Variants in GRIA4 observed in about 807,000 individuals in gnomAD.
GRIA4 encodes the protein glutamate receptor 4.
Under a neutral mutation model 104.0 loss-of-function variants are expected in GRIA4, and 34 were observed. The observed-to-expected ratio is 0.33, with a 90% confidence interval of 0.25 to 0.44. The LOEUF (loss-of-function observed/expected upper bound fraction) is 0.44. GRIA4 is among the 20% of genes least tolerant of loss of function. The pLI is 1.00. For missense variants in GRIA4, 750 were observed against 1,096.5 expected, an observed-to-expected ratio of 0.68 and a Z score of 4.46; for synonymous variants, 386 against 381.9, an observed-to-expected ratio of 1.01 and a Z score of -0.13.
intron 16 of GRIA4, among the ~76,000 whole-genome samples, chr11:105,978,262 A>G (rs553010228): frequency 3.7e-4 from 56 of 152,202 alleles, no homozygotes; most frequent in African/African-American, 1.3e-3. Flanking sequence ...GACTAATAGA[A>G]GATAATCAAG....
At chr11:105,616,160 CTAAT>C (rs1283777321) in intron 3 of GRIA4, among the ~76,000 whole-genome samples, 2 of 151,480 alleles carry the variant, frequency 1.3e-5, no homozygotes, top group Non-Finnish European at 3.0e-5. Flanking sequence ...ATAGAAAGGA[CTAAT>C]TGATTAATAT....
At chr11:105,791,693 A>AC (rs1421976285) in intron 4 of GRIA4, among the ~76,000 whole-genome samples, 12 of 151,760 alleles carry the variant, frequency 7.9e-5, no homozygotes, top group African/African-American at 2.7e-4. Flanking sequence ...AAAAGGAATG[A>AC]CCTAGCTCAA....
chr11:105,786,143 T>TAAA (rs1941954997), intron 4 of GRIA4, among the ~76,000 whole-genome samples: 1 of 17,606 alleles, frequency 5.7e-5, no homozygotes, highest in Non-Finnish European at 1.2e-4. Flanking sequence ...AGACCCTTTC[T>TAAA]CAAAAAAAAA....
chr11:105,870,654 T>C (rs1945582258), intron 5 of GRIA4, among the ~76,000 whole-genome samples: 1 of 151,388 alleles, frequency 6.6e-6, no homozygotes, highest in African/African-American at 2.4e-5. Context: ...GAGAACAGGG[T>C]AATAGGAGAG....
chr11:105,883,634 C>G (rs1347093469), intron 5 of GRIA4, among the ~76,000 whole-genome samples: 2 of 152,040 alleles, frequency 1.3e-5, no homozygotes, highest in Non-Finnish European at 2.9e-5. Context: ...GCATAGTATT[C>G]CATGGTGTAT....
At chr11:105,837,492 A>G (rs642919) in intron 4 of GRIA4, among the ~76,000 whole-genome samples, 67,679 of 151,848 alleles carry the variant, frequency 0.45, 15,793 homozygotes, top group African/African-American at 0.61. Flanking sequence ...TAAGTGTTCC[A>G]TGGTGCTGCA....
intron 3 of GRIA4, among the ~76,000 whole-genome samples, chr11:105,671,095 C>T (rs1020931363): frequency 1.3e-5 from 2 of 152,124 alleles, no homozygotes; most frequent in Non-Finnish European, 2.9e-5. Context: ...CTTGTGATTA[C>T]ATCAGACCCA....
chr11:105,812,220 T>C (rs1374516030), intron 4 of GRIA4, among the ~76,000 whole-genome samples: 1 of 152,230 alleles, frequency 6.6e-6, no homozygotes, highest in Non-Finnish European at 1.5e-5. Context: ...GATTGTCCAC[T>C]TGCTGGTGGA....
At chr11:105,853,149 A>C (rs993776435) in intron 4 of GRIA4, among the ~76,000 whole-genome samples, 8 of 152,182 alleles carry the variant, frequency 5.3e-5, no homozygotes, top group Non-Finnish European at 1.2e-4. Flanking sequence ...TTTGGACAGC[A>C]CTGGCTATCT....
chr11:105,863,549 A>G (rs541362734), intron 5 of GRIA4, among the ~76,000 whole-genome samples: 62 of 152,292 alleles, frequency 4.1e-4, no homozygotes, highest in African/African-American at 1.4e-3. Context: ...TTAGTTACAG[A>G]ATCCAAGAAA....
rs73542892 is a variant in GRIA4, at chr11:105,902,334, T to C, written c.886-1480T>C. ...AAGTTTACTTTCTTTTCTTTTCTTTTTTTTTTTTCTTTCTGAGACAGGGTC... is the reference window on the plus strand; with the variant it reads ...AAGTTTACTTTCTTTTCTTTTCTTTCTTTTTTTTCTTTCTGAGACAGGGTC... On this transcript the variant is annotated intron_variant, in intron 7 of 16. Coordinates refer to ENST00000282499, the MANE Select transcript of GRIA4 (RefSeq NM_000829.4). 3.3e-3 allele frequency among the ~76,000 whole-genome samples: 501 copies of C among 151,998 alleles called. 5 individuals are homozygous for C. The highest frequency in any genetic ancestry group is 0.012 in the African/African-American group (480 of 41,482).
intron 14 of GRIA4, among the ~76,000 whole-genome samples, chr11:105,962,522 G>A (rs996353108): frequency 2.6e-5 from 4 of 152,102 alleles, no homozygotes; most frequent in African/African-American, 7.2e-5. Context: ...GGAAATTCCA[G>A]GAATAAAAAC....
intron 3 of GRIA4, among the ~76,000 whole-genome samples, chr11:105,634,153 C>T (rs911218239): frequency 6.6e-6 from 1 of 151,826 alleles, no homozygotes; most frequent in Non-Finnish European, 1.5e-5. Flanking sequence ...TCAGGACAAG[C>T]CTGGGCAACA....
chr11:105,771,318 A>T (rs1229256994), intron 4 of GRIA4, among the ~76,000 whole-genome samples: 1 of 152,064 alleles, frequency 6.6e-6, no homozygotes, highest in Non-Finnish European at 1.5e-5. Context: ...TCCTATGATT[A>T]TGTTCAATAT....
intron 14 of GRIA4, 88 bp from the exon 15 acceptor site, chr11:105,971,826 T>G (rs1206036681): frequency 3.6e-6 from 3 of 826,862 alleles, no homozygotes; most frequent in Non-Finnish European, 5.9e-6. Context: ...CTCTGCTCTG[T>G]CACTTTGCCA....
At chr11:105,713,372 C>T (rs145576354) in intron 3 of GRIA4, among the ~76,000 whole-genome samples, 1 of 151,016 alleles carries the variant, frequency 6.6e-6, no homozygotes, top group Non-Finnish European at 1.5e-5. Flanking sequence ...ACAGATTGAA[C>T]TGCATCTCAA....
At chr11:105,664,567 C>T (rs559538899) in intron 3 of GRIA4, among the ~76,000 whole-genome samples, 1 of 152,012 alleles carries the variant, frequency 6.6e-6, no homozygotes, top group African/African-American at 2.4e-5. Context: ...TTGCCACTAA[C>T]ATTATCTAGC....
At chr11:105,775,520 T>C (rs1941410543) in intron 4 of GRIA4, among the ~76,000 whole-genome samples, 1 of 152,130 alleles carries the variant, frequency 6.6e-6, no homozygotes. Flanking sequence ...TGAAAAAATT[T>C]TAATTTTCTG....
chr11:105,626,444 G>C (rs1302881069), intron 3 of GRIA4, among the ~76,000 whole-genome samples: 2 of 152,042 alleles, frequency 1.3e-5, no homozygotes, highest in Non-Finnish European at 2.9e-5. Context: ...TAATAAATTA[G>C]CTAATTTTGG....
Sources: gnomAD v4.1 joint callset for allele counts (sites outside exome capture counted in the v4.1 genomes callset) on GRCh38, gnomAD v4.1.1 for gene constraint, MANE v1.5 for transcripts, NCBI Gene and HGNC (gene_info 2026-07-23, HGNC 2026-07-21) for gene names.